SCARB2: variants seen among roughly 807,000 people sequenced by gnomAD.
The protein encoded by SCARB2 is scavenger receptor class B member 2, also known as lysosome membrane protein 2.
A neutral mutation model predicts 58.6 loss-of-function variants in SCARB2; 29 were observed. The observed-to-expected ratio is 0.49, with a 90% CI of 0.37 to 0.67. SCARB2 has a LOEUF of 0.67. Ranked by LOEUF, SCARB2 falls within the 30% of genes least tolerant of loss-of-function variation. The probability of loss-of-function intolerance (pLI) is 0.00; values close to 1 mark genes in which losing one functional copy is unlikely to be tolerated. For missense variants in SCARB2, 488 were observed against 578.5 expected (o/e 0.84, Z 1.60); for synonymous variants, 195 against 210.1 (o/e 0.93, Z 0.62).
At chr4:76,186,349 G>A (rs1732486357) in intron 2 of SCARB2, among the ~76,000 whole-genome samples, 1 of 152,092 alleles carries the variant, frequency 6.6e-6, no homozygotes, top group Non-Finnish European at 1.5e-5. Context: ...TGGAGGAGGA[G>A]GACACGCTTT....
At chr4:76,176,151 T>G in intron 5 of SCARB2, 1 of 612,504 alleles carries the variant, frequency 1.6e-6, no homozygotes, top group Non-Finnish European at 2.9e-6. Context: ...AAAGTATTTG[T>G]GCTGTAGCTA....
chr4:76,166,257 A>G lies in SCARB2; in HGVS notation c.1232T>C (p.Leu411Pro). 6.2e-7 allele frequency: 1 copy of G among 1,614,142 alleles called. No homozygotes were observed. The highest frequency in any genetic ancestry group is 8.5e-7 in the Non-Finnish European group (1 of 1,179,980). ...CTCCGTCTCAGGACTTACCTCATTG[A>G]GGTACATCACTGGGAAAACCATGGT... Reference protein sequence around the residue: ...IRTMVFPVMYLNESVHIDKET... With the variant: ...IRTMVFPVMYPNESVHIDKET... The change falls in exon 10 of 12, where the codon CTC becomes CCC. Residue 411 changes from leucine (L) to proline (P), a missense_variant. Coordinates refer to ENST00000264896, the MANE Select transcript of SCARB2 (RefSeq NM_005506.4).
upstream of SCARB2, chr4:76,217,706 C>A (rs983420973): frequency 2.3e-5 from 13 of 567,466 alleles, no homozygotes; most frequent in Middle Eastern, 7.9e-4. Flanking sequence ...TATAGCAACA[C>A]AAACAGACAA....
intron 1 of SCARB2, among the ~76,000 whole-genome samples, chr4:76,224,288 G>A (rs12504181): frequency 0.11 from 17,433 of 152,136 alleles, 1,321 homozygotes; most frequent in East Asian, 0.41. Context: ...GCCTTTATCC[G>A]AAGGAAAAAT....
chr4:76,186,256 G>A (rs1732483008), intron 2 of SCARB2, among the ~76,000 whole-genome samples: 2 of 152,278 alleles, frequency 1.3e-5, no homozygotes, highest in South Asian at 4.2e-4. Flanking sequence ...TGAAGGGGGT[G>A]TTCCAACAGA....
At chr4:76,210,372 T>G (rs540093604) in intron 1 of SCARB2, among the ~76,000 whole-genome samples, 3 of 152,304 alleles carry the variant, frequency 2.0e-5, no homozygotes, top group Non-Finnish European at 4.4e-5. Flanking sequence ...TTCTTTCTAT[T>G]AAAATGATCA....
chr4:76,161,596 C>G lies in SCARB2; in HGVS notation c.*117G>C. On this transcript the variant is annotated 3_prime_UTR_variant, in exon 12 of 12. Coordinates refer to ENST00000264896, the MANE Select transcript of SCARB2 (RefSeq NM_005506.4). ...GAATGTTCCTATCACTTGCCAGCGC[C>G]GTGTCTTTTTCCTTCTTTCAACAGG... is the stretch of plus-strand genomic sequence containing the variant. 9.5e-7 allele frequency: 1 copy of G among 1,058,162 alleles called. No homozygotes were observed. Among genetic ancestry groups the G allele is most frequent in the Non-Finnish European group, 1.5e-6 (1 of 675,726 alleles). The allele number at this position is 1,058,162 out of a possible 1,614,324, so 65.5% of individuals were successfully genotyped here. A position where few individuals can be genotyped will look rare whatever the true frequency, so the allele number is the denominator to read the frequency against.
At position 76,160,989 on chromosome 4, in the gene SCARB2, C is replaced by T. The variant is rs1413968834; in HGVS notation, c.*724G>A. 2 of 152,364 alleles carry T rather than the reference C, an allele frequency of 1.3e-5. No individual in the cohort carries two copies. Among genetic ancestry groups the T allele is most frequent in the Non-Finnish European group, 2.9e-5 (2 of 68,152 alleles). The allele number at this position is 152,364 out of a possible 1,614,324, so 9.4% of individuals were successfully genotyped here. ...ACATGAAATATCTGTACTTTATCCT[C>T]ACCAACATTATTTATGCATTCTCTT... On this transcript the variant is annotated 3_prime_UTR_variant, in exon 12 of 12. Transcript: ENST00000264896.
intron 1 of SCARB2, among the ~76,000 whole-genome samples, chr4:76,226,267 G>A (rs1277831666): frequency 6.6e-6 from 1 of 152,160 alleles, no homozygotes; most frequent in Non-Finnish European, 1.5e-5. Flanking sequence ...GGACATGGGG[G>A]TAAACAGGTG....
rs182046876 is a variant in SCARB2, at chr4:76,160,138, G to A, written c.*1575C>T. Reference sequence around the variant, plus strand: ...GGGAAATATATCACATATTGTTTTAGTGTAGAAAAAGGAAAAATTGTCAGT... The same window carrying A: ...GGGAAATATATCACATATTGTTTTAATGTAGAAAAAGGAAAAATTGTCAGT... On this transcript the variant is annotated 3_prime_UTR_variant, in exon 12 of 12. Transcript: ENST00000264896. 15 of 152,222 alleles carry A rather than the reference G, an allele frequency of 9.9e-5. No homozygotes were observed. Among genetic ancestry groups the A allele is most frequent in the Admixed American group, 7.8e-4 (12 of 15,292 alleles). 9.4% of individuals were successfully genotyped at this position (152,222 alleles called of 1,614,324 possible).
At position 76,159,895 on chromosome 4, in the gene SCARB2, A is replaced by T. The variant is rs1274809537; in HGVS notation, c.*1818T>A. 2 of 152,236 alleles carry T rather than the reference A, an allele frequency of 1.3e-5. No homozygotes were observed. Among genetic ancestry groups the T allele is most frequent in the Admixed American group, 1.3e-4 (2 of 15,278 alleles). The allele number at this position is 152,236 out of a possible 1,614,324, so 9.4% of individuals were successfully genotyped here. A position where few individuals can be genotyped will look rare whatever the true frequency, so the allele number is the denominator to read the frequency against. On this transcript the variant is annotated 3_prime_UTR_variant, in exon 12 of 12. Coordinates refer to ENST00000264896, the MANE Select transcript of SCARB2 (RefSeq NM_005506.4). ...ACTAAACCAATAAGTATGCACTAGC[A>T]TTGTCAATTTTATTAGTATGGATAA...
intron 1 of SCARB2, among the ~76,000 whole-genome samples, chr4:76,201,562 A>G (rs1034465589): frequency 6.6e-6 from 1 of 152,252 alleles, no homozygotes; most frequent in African/African-American, 2.4e-5. Flanking sequence ...AAAATGCCGC[A>G]TATTCTAAAT....
chr4:76,169,834 A>G (rs1732092106), intron 8 of SCARB2, 33 bp downstream of exon 8: 1 of 1,488,170 alleles, frequency 6.7e-7, no homozygotes, highest in Non-Finnish European at 9.4e-7. Context: ...AATAAAACAT[A>G]TGCTCTTTTA....
chr4:76,164,590 G>C (rs555670889), intron 10 of SCARB2: 10 of 151,358 alleles, frequency 6.6e-5, no homozygotes, highest in African/African-American at 2.4e-4. Flanking sequence ...AGCTGAGATT[G>C]GGCCACTGCA....
intron 3 of SCARB2, chr4:76,180,068 C>A: frequency 2.9e-6 from 1 of 345,488 alleles, no homozygotes; most frequent in Non-Finnish European, 5.6e-6. Context: ...ACCCGACCTA[C>A]ACCCCTGGGA....
chr4:76,195,978 T>A (rs1172393971), intron 1 of SCARB2, 114 bp from the exon 2 acceptor site: 1 of 712,100 alleles, frequency 1.4e-6, no homozygotes, highest in Non-Finnish European at 2.3e-6. Context: ...ACTATTTTAA[T>A]CATTTCACAG....
upstream of SCARB2, among the ~76,000 whole-genome samples, chr4:76,216,843 A>G (rs1733216777): frequency 6.6e-6 from 1 of 152,224 alleles, no homozygotes; most frequent in South Asian, 2.1e-4. Flanking sequence ...GGACCTAATT[A>G]CAGAAAATAT....
At chr4:76,210,607 G>A (rs903590133) in intron 1 of SCARB2, among the ~76,000 whole-genome samples, 1 of 152,166 alleles carries the variant, frequency 6.6e-6, no homozygotes, top group Non-Finnish European at 1.5e-5. Flanking sequence ...AAGAGGGTGT[G>A]GGAAAAAGAG....
chr4:76,185,644 T>C (rs2109952737), intron 2 of SCARB2, among the ~76,000 whole-genome samples: 1 of 152,266 alleles, frequency 6.6e-6, no homozygotes, highest in South Asian at 2.1e-4. Flanking sequence ...TTTAATTAGG[T>C]GGAAAATTAA....
Sources: gnomAD v4.1 joint callset for allele counts (sites outside exome capture counted in the v4.1 genomes callset) on GRCh38, gnomAD v4.1.1 for gene constraint, MANE v1.5 for transcripts, NCBI Gene and HGNC (gene_info 2026-07-23, HGNC 2026-07-21) for gene names.